Variants in PTPRN2 observed in about 807,000 individuals in gnomAD.
PTPRN2 encodes the protein protein tyrosine phosphatase receptor type N2.
In PTPRN2, 74 loss-of-function variants were observed where a neutral mutation model predicts 118.8. That is an observed-to-expected ratio of 0.62 (90% CI 0.52 to 0.76). PTPRN2 has a LOEUF of 0.76. PTPRN2 is among the 30% of genes least tolerant of loss of function. PTPRN2 has a pLI of 0.00. For synonymous variants in PTPRN2, 641 were observed against 608.0 expected, an observed-to-expected ratio of 1.05 and a Z score of -0.80; for missense variants, 1,481 against 1,394.4, an observed-to-expected ratio of 1.06 and a Z score of -0.99.
At chr7:157,548,242 C>CA (rs1363122304) in intron 22 of PTPRN2, among the ~76,000 whole-genome samples, 52 of 152,164 alleles carry the variant, frequency 3.4e-4, no homozygotes, top group Non-Finnish European at 2.9e-5. Flanking sequence ...AACAAACAAA[C>CA]AACAACAACA....
chr7:157,595,384 G>T, intron 16 of PTPRN2, 69 bp from the exon 17 acceptor site: 1 of 1,421,092 alleles, frequency 7.0e-7, no homozygotes, highest in Non-Finnish European at 9.8e-7. Flanking sequence ...AGGAAGCCTG[G>T]AGGTTAGGAA....
At chr7:158,263,115 GCACA>G (rs1307782683) in intron 3 of PTPRN2, among the ~76,000 whole-genome samples, 1 of 54,418 alleles carries the variant, frequency 1.8e-5, no homozygotes, top group Non-Finnish European at 3.8e-5. Context: ...CACACACACT[GCACA>G]CACATACACA....
chr7:158,280,482 C>T (rs1321576903), intron 3 of PTPRN2, among the ~76,000 whole-genome samples: 1 of 152,214 alleles, frequency 6.6e-6, no homozygotes, highest in Non-Finnish European at 1.5e-5. Flanking sequence ...GCACACAAAC[C>T]ATCCTTCTGC....
At chr7:158,461,428 A>G (rs1362476011) in intron 2 of PTPRN2, among the ~76,000 whole-genome samples, 1 of 151,816 alleles carries the variant, frequency 6.6e-6, no homozygotes, top group Non-Finnish European at 1.5e-5. Flanking sequence ...CCCGGGAGGC[A>G]GAGCTTGCAG....
chr7:158,569,048 C>G (rs1254197567), intron 1 of PTPRN2, among the ~76,000 whole-genome samples: 2 of 152,160 alleles, frequency 1.3e-5, no homozygotes, highest in Admixed American at 6.5e-5. Context: ...ATCACTGGAG[C>G]CCAAGGCATG....
intron 12 of PTPRN2, among the ~76,000 whole-genome samples, chr7:157,704,661 C>T (rs900618900): frequency 2.0e-5 from 3 of 152,168 alleles, no homozygotes; most frequent in East Asian, 1.9e-4. Flanking sequence ...CCTTTCTTTC[C>T]TTCTCAGCAC....
Position 157,550,146 on chromosome 7 carries a change from G to A in PTPRN2, c.2903-1127C>T, listed in dbSNP as rs1390522356. Among the ~76,000 whole-genome samples, 1 of 152,202 alleles carries A rather than the reference G, an allele frequency of 6.6e-6. No homozygotes were observed. Among genetic ancestry groups the A allele is most frequent in the Non-Finnish European group, 1.5e-5 (1 of 68,034 alleles). Reference sequence around the variant, plus strand: ...GTGCACACCACATTCCTCGCCCAGCGAATCAGGAGAGAAGCTTTAAAATTC... The same window carrying A: ...GTGCACACCACATTCCTCGCCCAGCAAATCAGGAGAGAAGCTTTAAAATTC... On this transcript the variant is annotated intron_variant, in intron 21 of 22. Coordinates refer to ENST00000389418, the MANE Select transcript of PTPRN2 (RefSeq NM_002847.5). This position sits in a 1 kb window ranked among gnomAD's most constrained non-coding sequence, Gnocchi z 5.2.
chr7:158,100,272 TGTGTG>T (rs1405338577), intron 10 of PTPRN2, among the ~76,000 whole-genome samples: 1 of 150,516 alleles, frequency 6.6e-6, no homozygotes, highest in African/African-American at 2.5e-5. Flanking sequence ...TGTGTGTGTG[TGTGTG>T]TGCCACGATT....
At chr7:157,904,470 ACT>A (rs1056690326) in intron 11 of PTPRN2, among the ~76,000 whole-genome samples, 2 of 151,640 alleles carry the variant, frequency 1.3e-5, no homozygotes, top group Non-Finnish European at 2.9e-5. Flanking sequence ...ACGTCAAGAA[ACT>A]CCACCATCCT....
intron 3 of PTPRN2, among the ~76,000 whole-genome samples, chr7:158,309,317 G>A (rs1427234520): frequency 7.5e-4 from 2 of 2,650 alleles, no homozygotes; most frequent in African/African-American, 1.9e-3. Flanking sequence ...AAAGCAGGCA[G>A]AAGAACACAA....
rs539552431 is a variant in PTPRN2, at chr7:157,986,642, C to T, written c.1724-87905G>A. Reference sequence around the variant, plus strand: ...AAAATTCCCATTCACTCAGCATTACCACGGTTTGATATTAGGACTGCTTGA... The same window carrying T: ...AAAATTCCCATTCACTCAGCATTACTACGGTTTGATATTAGGACTGCTTGA... On this transcript the variant is annotated intron_variant, in intron 11 of 22. Coordinates refer to ENST00000389418, the MANE Select transcript of PTPRN2 (RefSeq NM_002847.5). The surrounding 1 kb of genome is among the most constrained non-coding windows in gnomAD (Gnocchi z 4.5). Among the ~76,000 whole-genome samples, 11 of 152,236 alleles carry T rather than the reference C, an allele frequency of 7.2e-5. No homozygotes were observed. Among genetic ancestry groups the T allele is most frequent in the Non-Finnish European group, 1.2e-4 (8 of 68,002 alleles).
chr7:158,558,573 G>A (rs879371872), intron 1 of PTPRN2, among the ~76,000 whole-genome samples: 9 of 151,902 alleles, frequency 5.9e-5, no homozygotes, highest in Admixed American at 4.6e-4. Flanking sequence ...ATATTTCCAG[G>A]CACCTAGAGG....
In PTPRN2 at chr7:157,872,436, CCCAGTGTCCTCCCCACACACGCATAT is replaced by C. The variant is rs1205734721; in HGVS notation, c.1788+26211_1788+26236del. On this transcript the variant is annotated intron_variant, in intron 12 of 22. Transcript: ENST00000389418. Reference sequence around the variant, plus strand: ...CCAGTGTCTTTCCCACACACACATACCCAGTGTCCTCCCCACACACGCATATCCAGTGTCCTCCCCACACACGCATA... The same window carrying C: ...CCAGTGTCTTTCCCACACACACATACCCAGTGTCCTCCCCACACACGCATA... Among the ~76,000 whole-genome samples the C allele has an allele frequency of 2.7e-3, 381 of 139,212 alleles. 2 individuals are homozygous for C. The highest frequency in any genetic ancestry group is 4.6e-3 in the Non-Finnish European group (304 of 65,804). The allele number at this position is 139,212 out of a possible 152,430, so 91.3% of individuals were successfully genotyped here.
At chr7:157,621,163 G>A (rs544209588) in intron 15 of PTPRN2, among the ~76,000 whole-genome samples, 199 bp downstream of exon 15, 13,114 of 34,930 alleles carry the variant, frequency 0.38, 1,179 homozygotes, top group Non-Finnish European at 0.41. Flanking sequence ...GTGCTGGTAT[G>A]TACAGGTCAG....
At chr7:158,390,201 G>C (rs1811819108) in intron 2 of PTPRN2, among the ~76,000 whole-genome samples, 1 of 151,970 alleles carries the variant, frequency 6.6e-6, no homozygotes, top group Non-Finnish European at 1.5e-5. Flanking sequence ...CCGTCGCCCT[G>C]GGCCGTGTCC....
intron 12 of PTPRN2, among the ~76,000 whole-genome samples, chr7:157,811,196 G>C (rs1345926719): frequency 2.0e-5 from 3 of 151,238 alleles, no homozygotes; most frequent in South Asian, 2.1e-4. Flanking sequence ...GCATGAACCC[G>C]GGAGGTGGAG....
chr7:157,648,769 C>G (rs1253475538), intron 14 of PTPRN2, among the ~76,000 whole-genome samples: 2 of 140,022 alleles, frequency 1.4e-5, no homozygotes, highest in Non-Finnish European at 1.5e-5. Context: ...CTCGGTGGGT[C>G]GGACCCATTC....
At chr7:157,890,228 G>C (rs1796720894) in intron 12 of PTPRN2, among the ~76,000 whole-genome samples, 1 of 152,210 alleles carries the variant, frequency 6.6e-6, no homozygotes, top group African/African-American at 2.4e-5. Flanking sequence ...GCCTTCTAAA[G>C]AGTTAGACTC....
intron 15 of PTPRN2, among the ~76,000 whole-genome samples, chr7:157,608,635 C>T (rs1312313679): frequency 2.6e-5 from 4 of 152,282 alleles, no homozygotes; most frequent in South Asian, 2.1e-4. Flanking sequence ...GTTTCCTTGA[C>T]GTGCGAGGCC....
Sources: gnomAD v4.1 joint callset for allele counts (sites outside exome capture counted in the v4.1 genomes callset) on GRCh38, gnomAD v4.1.1 for gene constraint, Gnocchi (gnomAD v3.1) non-coding constraint, MANE v1.5 for transcripts, NCBI Gene and HGNC (gene_info 2026-07-23, HGNC 2026-07-21) for gene names.